Variants in RARB observed in about 807,000 individuals in gnomAD.
The protein encoded by RARB is HBV-activated protein.
Under a neutral mutation model 51.9 loss-of-function variants are expected in RARB, and 17 were observed. The observed-to-expected ratio is 0.33, with a 90% CI of 0.22 to 0.49. The LOEUF is 0.49. Ranked by LOEUF, RARB falls within the 20% of genes least tolerant of loss-of-function variation. The pLI, the probability that RARB is intolerant of heterozygous loss-of-function variation, is 0.99. For synonymous variants in RARB, 215 were observed against 195.4 expected, an observed-to-expected ratio of 1.10 and a Z score of -0.84; for missense variants, 369 against 550.8, an observed-to-expected ratio of 0.67 and a Z score of 3.30.
chr3:25,028,683 C>T (rs560534248), intron 2 of RARB, among the ~76,000 whole-genome samples: 21 of 152,122 alleles, frequency 1.4e-4, no homozygotes, highest in African/African-American at 4.6e-4. Flanking sequence ...CCTGGTTTAC[C>T]GGGAGAGCCA....
chr3:25,125,511 G>A (rs1395258680), intron 3 of RARB, among the ~76,000 whole-genome samples: 3 of 152,178 alleles, frequency 2.0e-5, no homozygotes, highest in Admixed American at 6.5e-5. Context: ...GGCAAAAATT[G>A]ATGTTCAGTT....
chr3:25,077,100 C>T (rs1435045134), intron 3 of RARB, among the ~76,000 whole-genome samples: 5 of 152,296 alleles, frequency 3.3e-5, no homozygotes, highest in Admixed American at 3.3e-4. Context: ...TACATTGGTC[C>T]TCCCCATATG....
At chr3:24,854,439 C>T (rs1702607097) in intron 1 of RARB, among the ~76,000 whole-genome samples, 1 of 152,172 alleles carries the variant, frequency 6.6e-6, no homozygotes, top group Non-Finnish European at 1.5e-5. Context: ...AGTAAAGAGA[C>T]CATGATTCCT....
intron 3 of RARB, among the ~76,000 whole-genome samples, chr3:25,073,189 A>G (rs1363885342): frequency 6.6e-6 from 1 of 152,192 alleles, no homozygotes; most frequent in African/African-American, 2.4e-5. Flanking sequence ...CAAAGGGAAT[A>G]TCTCAGCCGT....
At chr3:25,267,185 A>G (rs56399652) in intron 5 of RARB, among the ~76,000 whole-genome samples, 2 of 152,202 alleles carry the variant, frequency 1.3e-5, no homozygotes, top group African/African-American at 4.8e-5. Flanking sequence ...CTGAAGACAG[A>G]AGACTAAGTG....
intron 5 of RARB, among the ~76,000 whole-genome samples, chr3:25,193,394 G>A (rs531314784): frequency 2.6e-4 from 40 of 152,102 alleles, no homozygotes; most frequent in African/African-American, 9.4e-4. Context: ...TTGCACTGAA[G>A]TAAAAAGATA....
intron 2 of RARB, among the ~76,000 whole-genome samples, chr3:24,921,094 T>C (rs1345551583): frequency 6.6e-6 from 1 of 152,156 alleles, no homozygotes; most frequent in East Asian, 1.9e-4. Flanking sequence ...TAGACAGTGA[T>C]TACTAATCTC....
intron 5 of RARB, among the ~76,000 whole-genome samples, chr3:25,270,382 A>G (rs1015719368): frequency 6.6e-6 from 1 of 152,212 alleles, no homozygotes; most frequent in African/African-American, 2.4e-5. Context: ...AGACACAAAA[A>G]GACAAATAGT....
Position 24,927,982 on chromosome 3 carries a change from A to G in RARB, c.-380+69230A>G, listed in dbSNP as rs187854928. On this transcript the variant is annotated intron_variant, in intron 2 of 11. Transcript: ENST00000383772. The stretch of plus-strand genomic sequence containing the variant: ...AACCAAATCCCTAGCATCTTTGTAC[A>G]ATGTGATTGCTTTATTGTTGGATCT... 2.3e-3 allele frequency among the ~76,000 whole-genome samples: 357 copies of G among 152,226 alleles called. 3 individuals are homozygous for G. Among genetic ancestry groups the G allele is most frequent in the Non-Finnish European group, 1.5e-3 (101 of 67,974 alleles).
At chr3:25,146,708 A>G (rs1396371911) in intron 4 of RARB, among the ~76,000 whole-genome samples, 1 of 150,716 alleles carries the variant, frequency 6.6e-6, no homozygotes, top group East Asian at 2.0e-4. Flanking sequence ...TTTAGTAGAG[A>G]CGGGGTTTCA....
At chr3:24,932,075 T>C (rs1030414992) in intron 2 of RARB, among the ~76,000 whole-genome samples, 1 of 152,036 alleles carries the variant, frequency 6.6e-6, no homozygotes, top group Non-Finnish European at 1.5e-5. Flanking sequence ...ACTCCCAACT[T>C]GGGGAGCCTG....
chr3:25,236,110 T>A (rs1299156627), intron 5 of RARB, among the ~76,000 whole-genome samples: 2 of 152,192 alleles, frequency 1.3e-5, no homozygotes, highest in Non-Finnish European at 2.9e-5. Flanking sequence ...AATATTCATA[T>A]TTCTGATTCA....
At position 25,276,437 on chromosome 3, in the gene RARB, A is replaced by G. The variant is rs535886027; in HGVS notation, c.178+101862A>G. ...ATGTACAATTGTTGTGTTCATTACA[A>G]ACAAAATACTCAATAAACCTAATTT... On this transcript the variant is annotated intron_variant, in intron 5 of 11. Coordinates refer to the RARB transcript ENST00000383772. 2.0e-5 allele frequency among the ~76,000 whole-genome samples: 3 copies of G among 152,350 alleles called. No individual in the cohort carries two copies. The South Asian group carries it at 6.2e-4, about 32-fold the overall frequency.
chr3:25,329,944 G>T (rs1177747670), intron 5 of RARB, among the ~76,000 whole-genome samples: 3 of 152,156 alleles, frequency 2.0e-5, no homozygotes, highest in Non-Finnish European at 4.4e-5. Flanking sequence ...ATGAAATGAA[G>T]TGAGAAGAGA....
At chr3:24,966,809 T>C (rs1422278865) in intron 2 of RARB, among the ~76,000 whole-genome samples, 3 of 152,328 alleles carry the variant, frequency 2.0e-5, no homozygotes, top group African/African-American at 7.2e-5. Flanking sequence ...TAAAATATTC[T>C]ATAGATAACT....
chr3:25,136,587 A>C (rs576652889), intron 4 of RARB, among the ~76,000 whole-genome samples: 1 of 152,102 alleles, frequency 6.6e-6, no homozygotes, highest in Non-Finnish European at 1.5e-5. Context: ...TTATGTGACA[A>C]TGGTTGAAAT....
chr3:25,206,889 C>A (rs1701563275), intron 5 of RARB, among the ~76,000 whole-genome samples: 2 of 152,158 alleles, frequency 1.3e-5, no homozygotes, highest in Admixed American at 1.3e-4. Flanking sequence ...TAGTGCCTCT[C>A]CAGTTGTCAG....
chr3:25,402,604 A>G (rs1294955646), intron 5 of RARB, among the ~76,000 whole-genome samples: 1 of 152,248 alleles, frequency 6.6e-6, no homozygotes, highest in African/African-American at 2.4e-5. Flanking sequence ...CATATACACA[A>G]TGGAGTACTA....
chr3:24,965,950 T>G (rs1364367496), intron 2 of RARB, among the ~76,000 whole-genome samples: 1 of 152,200 alleles, frequency 6.6e-6, no homozygotes, highest in African/African-American at 2.4e-5. Flanking sequence ...TTACATTTTT[T>G]GTGCACATCT....
Sources: gnomAD v4.1 joint callset for allele counts (sites outside exome capture counted in the v4.1 genomes callset) on GRCh38, gnomAD v4.1.1 for gene constraint, MANE v1.5 for transcripts, NCBI Gene and HGNC (gene_info 2026-07-23, HGNC 2026-07-21) for gene names.